The following NCKAP1 variants were observed in gnomAD, a reference collection of about 807,000 sequenced individuals.
NCKAP1 encodes NCK associated protein 1, also known as nck-associated protein 1.
A neutral mutation model predicts 151.2 loss-of-function variants in NCKAP1; 21 were observed. The ratio of observed to expected loss-of-function variants is 0.14; its 90% CI spans 0.10 to 0.20. NCKAP1 has a LOEUF of 0.20. Among genes scored for constraint, NCKAP1 ranks in the 10% least tolerant of loss-of-function variants. NCKAP1 has a pLI of 1.00. For synonymous variants in NCKAP1, 484 were observed against 451.8 expected (o/e 1.07, Z -0.90); for missense variants, 933 against 1,352.1 (o/e 0.69, Z 4.86).
intron 18 of NCKAP1, among the ~76,000 whole-genome samples, chr2:182,959,881 G>C (rs1005479759): frequency 6.6e-6 from 1 of 152,158 alleles, no homozygotes; most frequent in Non-Finnish European, 1.5e-5. Context: ...GGCAACTTCA[G>C]CAAAGTCTCA....
chr2:183,008,971 T>TA (rs1269833119), intron 2 of NCKAP1, among the ~76,000 whole-genome samples: 2 of 152,214 alleles, frequency 1.3e-5, no homozygotes, highest in Non-Finnish European at 2.9e-5. Flanking sequence ...GACTCCTACT[T>TA]AAAATCTTTT....
Position 182,935,347 on chromosome 2 carries a change from T to C in NCKAP1, c.2724A>G (p.Thr908=), listed in dbSNP as rs1428568270. Residue 908 remains threonine, a synonymous_variant, in exon 25 of 31, where the codon ACA becomes ACG. Coordinates refer to ENST00000361354, the MANE Select transcript of NCKAP1 (RefSeq NM_013436.5). ...SSVDSVLKRM[T]IIGVILSFRS... is the part of the protein sequence containing the mutation. ...GGAAGGATAAAATTACACCAATTAT[T>C]GTCATCCTCTTCAAGACACTGTCAA... 1.9e-6 allele frequency: 3 copies of C among 1,587,228 alleles called. No homozygotes were observed. The highest frequency in any genetic ancestry group is 2.4e-5 in the South Asian group (2 of 85,042).
intron 2 of NCKAP1, among the ~76,000 whole-genome samples, chr2:183,009,611 T>C (rs1353062608): frequency 1.3e-5 from 2 of 152,228 alleles, no homozygotes; most frequent in African/African-American, 4.8e-5. Context: ...CAAGGTACAT[T>C]ACTTTTTTTA....
At chr2:182,989,259 T>C (rs1211281582) in intron 8 of NCKAP1, 73 bp from the exon 9 acceptor site, 15 of 1,265,478 alleles carry the variant, frequency 1.2e-5, no homozygotes, top group Non-Finnish European at 1.5e-5. Flanking sequence ...GTGTAGCTTT[T>C]GAAAAATACA....
chr2:183,027,171 A>G (rs1220828991), intron 1 of NCKAP1, among the ~76,000 whole-genome samples: 1 of 152,196 alleles, frequency 6.6e-6, no homozygotes, highest in Non-Finnish European at 1.5e-5. Context: ...ACCATCACTT[A>G]GCTGTGTACC....
At chr2:182,966,452 A>G (rs776578248) in intron 16 of NCKAP1, among the ~76,000 whole-genome samples, 8 of 151,982 alleles carry the variant, frequency 5.3e-5, no homozygotes, top group Non-Finnish European at 1.0e-4. Context: ...ACGTCCGACT[A>G]ATTTTTCTAT....
At chr2:182,987,451 C>T (rs908173485) in intron 9 of NCKAP1, among the ~76,000 whole-genome samples, 1 of 152,000 alleles carries the variant, frequency 6.6e-6, no homozygotes, top group Admixed American at 6.6e-5. Context: ...TGATCATTCA[C>T]AATTAAATTA....
chr2:182,962,053 T>C lies in NCKAP1; in HGVS notation c.1881+106A>G, dbSNP rs1575032890. The C allele has an allele frequency of 1.0e-5, 12 of 1,166,854 alleles. No homozygotes were observed. In the East Asian group the frequency reaches 2.9e-4, roughly 28 times the overall value. The allele number at this position is 1,166,854 out of a possible 1,614,324, so 72.3% of individuals were successfully genotyped here. A position where few individuals can be genotyped will look rare whatever the true frequency, so the allele number is the denominator to read the frequency against. On this transcript the variant is annotated intron_variant, in intron 18 of 30. Transcript: ENST00000361354. Reference sequence around the variant, plus strand: ...ACAGCAGAGGTTTGAGGTTTACTAATAGTGTGGGAACTAAAGAATGGAAAG... The same window carrying C: ...ACAGCAGAGGTTTGAGGTTTACTAACAGTGTGGGAACTAAAGAATGGAAAG...
In NCKAP1 at chr2:182,923,413, T is replaced by C. The variant is rs1026556342; in HGVS notation, c.*2289A>G. The C allele has an allele frequency of 2.0e-5, 3 of 152,110 alleles. No homozygotes were observed. The highest frequency in any genetic ancestry group is 2.1e-4 in the South Asian group (1 of 4,818). The allele number at this position is 152,110 out of a possible 1,614,324, so 9.4% of individuals were successfully genotyped here. On this transcript the variant is annotated 3_prime_UTR_variant, in exon 31 of 31. Coordinates refer to ENST00000361354, the MANE Select transcript of NCKAP1 (RefSeq NM_013436.5). Reference sequence around the variant, plus strand: ...TCAGCCTCCCATGTAGCCAGGATGATAGGTGTGCACCATCATACCTGGGTA... The same window carrying C: ...TCAGCCTCCCATGTAGCCAGGATGACAGGTGTGCACCATCATACCTGGGTA...
At chr2:183,033,476 C>T (rs941675124) in intron 1 of NCKAP1, among the ~76,000 whole-genome samples, 1 of 152,212 alleles carries the variant, frequency 6.6e-6, no homozygotes, top group Non-Finnish European at 1.5e-5. Flanking sequence ...TTACACACTG[C>T]ATTTTAGTTA....
At chr2:182,956,856 T>G in intron 19 of NCKAP1, 1 of 276,562 alleles carries the variant, frequency 3.6e-6, no homozygotes, top group African/African-American at 2.2e-5. Context: ...TATTCTGCAC[T>G]CATAAAGATA....
Position 183,002,053 on chromosome 2 carries a change from G to A in NCKAP1, c.513-10C>T. On this transcript the variant is annotated splice_polypyrimidine_tract_variant and intron_variant, in intron 5 of 30. Coordinates refer to ENST00000361354, the MANE Select transcript of NCKAP1 (RefSeq NM_013436.5). ...TGGGTATTCTCTGTCACTTAAAACA[G>A]ACATATCAAATTTCAATGAGTTGTA... 6.2e-7 allele frequency: 1 copy of A among 1,613,032 alleles called. No individual in the cohort carries two copies. The highest frequency in any genetic ancestry group is 2.2e-5 in the East Asian group (1 of 44,786).
chr2:182,915,683 G>C lies in NCKAP1; in HGVS notation c.*10019C>G, dbSNP rs1371954397. On this transcript the variant is annotated 3_prime_UTR_variant, in exon 31 of 31. Transcript: ENST00000361354. ...GATCATCAGACCAGCTTGACTATAGGAGGCATTTCTGTAAAGGGGTAAGAT... is the reference window on the plus strand; with the variant it reads ...GATCATCAGACCAGCTTGACTATAGCAGGCATTTCTGTAAAGGGGTAAGAT... The C allele has an allele frequency of 6.6e-6, 1 of 152,088 alleles. No individual in the cohort carries two copies. Among genetic ancestry groups the C allele is most frequent in the African/African-American group, 2.4e-5 (1 of 41,420 alleles). 9.4% of individuals were successfully genotyped at this position (152,088 alleles called of 1,614,324 possible).
chr2:183,003,641 AT>A (rs1698413814), intron 2 of NCKAP1, among the ~76,000 whole-genome samples: 2 of 152,156 alleles, frequency 1.3e-5, no homozygotes, highest in Non-Finnish European at 2.9e-5. Context: ...CATGAGCATG[AT>A]CACATTACTA....
Position 182,925,238 on chromosome 2 carries a change from G to A in NCKAP1, c.*464C>T, listed in dbSNP as rs1696618275. Reference sequence around the variant, plus strand: ...AAATGTTTCAAAATAAAGTAGAAATGTATTCATAACATCACAGAAATGCAC... The same window carrying A: ...AAATGTTTCAAAATAAAGTAGAAATATATTCATAACATCACAGAAATGCAC... On this transcript the variant is annotated 3_prime_UTR_variant, in exon 31 of 31. Coordinates refer to ENST00000361354, the MANE Select transcript of NCKAP1 (RefSeq NM_013436.5). The A allele has an allele frequency of 6.6e-6, 1 of 152,110 alleles. No homozygotes were observed. The highest frequency in any genetic ancestry group is 1.5e-5 in the Non-Finnish European group (1 of 67,996). 9.4% of individuals were successfully genotyped at this position (152,110 alleles called of 1,614,324 possible). A position where few individuals can be genotyped will look rare whatever the true frequency, so the allele number is the denominator to read the frequency against.
At chr2:182,981,429 A>G in intron 12 of NCKAP1, 53 bp from the exon 13 acceptor site, 2 of 1,389,088 alleles carry the variant, frequency 1.4e-6, no homozygotes, top group East Asian at 5.0e-5. Flanking sequence ...TCATTATTAA[A>G]GAATATATTC....
At chr2:182,978,939 G>T in intron 13 of NCKAP1, 24 bp from the exon 14 acceptor site, 1 of 1,538,182 alleles carries the variant, frequency 6.5e-7, no homozygotes, top group Non-Finnish European at 9.0e-7. Context: ...AAAAAGTAAC[G>T]TTAAAAACAT....
intron 8 of NCKAP1, 49 bp downstream of exon 8, chr2:182,994,790 A>G (rs373584236): frequency 3.7e-5 from 55 of 1,482,532 alleles, no homozygotes; most frequent in Non-Finnish European, 5.2e-5. Context: ...ATTTTTCTCT[A>G]AAACATAAAG....
chr2:182,933,018 A>G (rs895454638), intron 26 of NCKAP1, among the ~76,000 whole-genome samples: 5 of 152,334 alleles, frequency 3.3e-5, no homozygotes, highest in African/African-American at 1.2e-4. Context: ...TGGTATAAAT[A>G]TAAGTAGAAA....
Sources: allele counts gnomAD v4.1 joint callset (sites outside exome capture counted in the v4.1 genomes callset), GRCh38; gene constraint gnomAD v4.1.1; transcripts MANE v1.5; gene names NCBI Gene and HGNC (gene_info 2026-07-23, HGNC 2026-07-21).